COLEC10: variants seen among roughly 807,000 people sequenced by gnomAD.
COLEC10 encodes the protein collectin subfamily member 10.
Under a neutral mutation model 28.4 loss-of-function variants are expected in COLEC10, and 22 were observed. That is an observed-to-expected ratio of 0.78 (90% CI 0.55 to 1.11). The LOEUF is 1.11. Among genes scored for constraint, COLEC10 ranks in the 50% least tolerant of loss-of-function variants. COLEC10 has a pLI of 0.00. For missense variants in COLEC10, 361 were observed against 344.1 expected (o/e 1.05, Z -0.39); for synonymous variants, 125 against 116.1 (o/e 1.08, Z -0.49).
At chr8:119,021,615 C>T (rs1310407291) in intron 2 of COLEC10, among the ~76,000 whole-genome samples, 2 of 152,154 alleles carry the variant, frequency 1.3e-5, no homozygotes, top group East Asian at 1.9e-4. Flanking sequence ...ACTTACTGAG[C>T]AACACCACTT....
intron 2 of COLEC10, among the ~76,000 whole-genome samples, chr8:119,044,580 T>G (rs7016223): frequency 1.3e-5 from 2 of 151,902 alleles, no homozygotes; most frequent in Admixed American, 1.3e-4. Context: ...CATGGTGGCT[T>G]ATGCCTGTAA....
intron 1 of COLEC10, among the ~76,000 whole-genome samples, chr8:118,996,352 T>A (rs534460819): frequency 1.3e-5 from 2 of 152,312 alleles, no homozygotes; most frequent in South Asian, 4.1e-4. Flanking sequence ...GAGATCTTGA[T>A]TTAAATCATT....
At chr8:119,084,629 C>T (rs1815433812) in intron 1 of COLEC10, among the ~76,000 whole-genome samples, 2 of 152,142 alleles carry the variant, frequency 1.3e-5, no homozygotes, top group African/African-American at 4.8e-5. Context: ...TTTTCAAATG[C>T]CTACAGCCCT....
chr8:118,968,622 T>A, the COLEC10 span, among the ~76,000 whole-genome samples: 18 of 152,008 alleles, frequency 1.2e-4, no homozygotes, highest in East Asian at 3.3e-3. Context: ...TATATGTATA[T>A]GTATATATAA....
chr8:119,088,576 G>T (rs1157667133), intron 1 of COLEC10, among the ~76,000 whole-genome samples: 1 of 152,126 alleles, frequency 6.6e-6, no homozygotes, highest in African/African-American at 2.4e-5. Context: ...CTTCATTTTT[G>T]TCTTTAGAAG....
chr8:118,995,872 G>GTT (rs5894468), intron 1 of COLEC10, among the ~76,000 whole-genome samples: 165 of 151,650 alleles, frequency 1.1e-3, no homozygotes, highest in African/African-American at 2.3e-3. Flanking sequence ...TTTTCTTTCT[G>GTT]TTTTTTTTAA....
At chr8:118,959,425 G>A in the COLEC10 span, among the ~76,000 whole-genome samples, 2 of 151,994 alleles carry the variant, frequency 1.3e-5, no homozygotes, top group East Asian at 3.9e-4. Flanking sequence ...TCTGTGCCTC[G>A]GTTTCTCTAG....
chr8:118,992,416 T>C (rs536671177), upstream of COLEC10, among the ~76,000 whole-genome samples: 1 of 152,244 alleles, frequency 6.6e-6, no homozygotes, highest in South Asian at 2.1e-4. Flanking sequence ...AGTAAAATGG[T>C]TGGCAGGACA....
chr8:119,001,032 A>G (rs1003291214), intron 1 of COLEC10, among the ~76,000 whole-genome samples: 5 of 152,192 alleles, frequency 3.3e-5, no homozygotes, highest in African/African-American at 1.2e-4. Flanking sequence ...GACGATCAGT[A>G]AAACCCTGCT....
At chr8:119,013,015 CT>C (rs60559892) in intron 2 of COLEC10, among the ~76,000 whole-genome samples, 6,818 of 145,244 alleles carry the variant, frequency 0.047, 412 homozygotes, top group East Asian at 0.16. Flanking sequence ...TTTTGCTGCT[CT>C]TTTTTTTTTC....
chr8:119,072,289 T>C (rs551321321), intron 1 of COLEC10, among the ~76,000 whole-genome samples: 10 of 151,406 alleles, frequency 6.6e-5, no homozygotes, highest in African/African-American at 2.2e-4. Flanking sequence ...TGAGCACACA[T>C]TGAGTAGCTG....
At chr8:119,032,135 T>C (rs1220859423) in intron 2 of COLEC10, among the ~76,000 whole-genome samples, 1 of 152,222 alleles carries the variant, frequency 6.6e-6, no homozygotes, top group Admixed American at 6.5e-5. Context: ...GAACAGAGTA[T>C]TGGAAATCCG....
chr8:118,968,630 T>C, the COLEC10 span, among the ~76,000 whole-genome samples: 3 of 151,922 alleles, frequency 2.0e-5, no homozygotes, highest in South Asian at 6.2e-4. Context: ...TATGTATATA[T>C]AATATACACA....
the COLEC10 span, among the ~76,000 whole-genome samples, chr8:118,976,270 T>C: frequency 5.9e-5 from 9 of 152,080 alleles, no homozygotes; most frequent in African/African-American, 2.2e-4. Flanking sequence ...TCATGTACTT[T>C]GTAGTTTACA....
intron 2 of COLEC10, among the ~76,000 whole-genome samples, chr8:119,018,623 G>A (rs1814034955): frequency 6.6e-6 from 1 of 152,202 alleles, no homozygotes; most frequent in Non-Finnish European, 1.5e-5. Flanking sequence ...GATATGTCTT[G>A]TGACTTGATT....
intron 2 of COLEC10, among the ~76,000 whole-genome samples, chr8:119,060,663 G>A (rs1814839995): frequency 6.6e-6 from 1 of 152,116 alleles, no homozygotes; most frequent in African/African-American, 2.4e-5. Flanking sequence ...ACAAGGGATT[G>A]GAGTATGCTA....
At chr8:119,080,918 T>C (rs1815354909) in intron 1 of COLEC10, among the ~76,000 whole-genome samples, 1 of 152,166 alleles carries the variant, frequency 6.6e-6, no homozygotes, top group Non-Finnish European at 1.5e-5. Context: ...GAGCTTTTGC[T>C]AACTCCTTAT....
intron 2 of COLEC10, among the ~76,000 whole-genome samples, chr8:119,031,581 T>A (rs1030228653): frequency 7.2e-5 from 11 of 152,192 alleles, no homozygotes; most frequent in Admixed American, 2.6e-4. Context: ...GTTAGTGAAT[T>A]GTGATGCTGA....
chr8:119,090,023 A>C (rs1431749538), intron 2 of COLEC10, among the ~76,000 whole-genome samples: 5 of 152,182 alleles, frequency 3.3e-5, no homozygotes, highest in Non-Finnish European at 5.9e-5. Context: ...GAGAATATTT[A>C]AGAAACGATG....
Sources: gnomAD v4.1 joint callset for allele counts (sites outside exome capture counted in the v4.1 genomes callset) on GRCh38, gnomAD v4.1.1 for gene constraint, MANE v1.5 for transcripts, NCBI Gene and HGNC (gene_info 2026-07-23, HGNC 2026-07-21) for gene names.